NDUFS1: variants seen among roughly 807,000 people sequenced by gnomAD.
NDUFS1 encodes NADH:ubiquinone oxidoreductase core subunit S1.
A neutral mutation model predicts 84.4 loss-of-function variants in NDUFS1; 61 were observed. The observed-to-expected ratio is 0.72, with a 90% confidence interval of 0.59 to 0.89. The LOEUF is 0.89. Ranked by LOEUF, NDUFS1 falls within the 40% of genes least tolerant of loss-of-function variation. The pLI, the probability that NDUFS1 is intolerant of heterozygous loss-of-function variation, is 0.00. For missense variants in NDUFS1, 891 were observed against 890.0 expected (o/e 1.00, Z -0.01); for synonymous variants, 275 against 290.0 (o/e 0.95, Z 0.53).
intron 1 of NDUFS1, chr2:206,159,071 G>A (rs1337033984): frequency 3.9e-6 from 6 of 1,535,508 alleles, no homozygotes; most frequent in African/African-American, 1.4e-5. Flanking sequence ...TTTCCCTGCA[G>A]AGGGAAGGTC....
intron 8 of NDUFS1, among the ~76,000 whole-genome samples, 160 bp from the exon 9 acceptor site, chr2:206,145,186 C>G (rs1030891607): frequency 1.3e-5 from 2 of 152,172 alleles, no homozygotes; most frequent in African/African-American, 4.8e-5. Context: ...GAACCCCCCA[C>G]CTTTTTTTTT....
intron 8 of NDUFS1, among the ~76,000 whole-genome samples, chr2:206,145,532 G>C (rs899795022): frequency 6.6e-6 from 1 of 152,116 alleles, no homozygotes; most frequent in East Asian, 1.9e-4. Flanking sequence ...AATCTGGGAC[G>C]ATTCAACAAG....
At chr2:206,137,366 C>T (rs551774569) in intron 13 of NDUFS1, among the ~76,000 whole-genome samples, 26 of 151,640 alleles carry the variant, frequency 1.7e-4, no homozygotes, top group Middle Eastern at 3.4e-3. Context: ...CCCAGCTACT[C>T]GGGAGGCTAA....
At chr2:206,156,406 C>G (rs979041035) in intron 1 of NDUFS1, among the ~76,000 whole-genome samples, 7 of 147,946 alleles carry the variant, frequency 4.7e-5, no homozygotes, top group African/African-American at 1.7e-4. Flanking sequence ...GATCCCATCT[C>G]TACCAAAAAA....
chr2:206,125,501 A>C (rs1691255812), intron 18 of NDUFS1, among the ~76,000 whole-genome samples: 1 of 152,024 alleles, frequency 6.6e-6, no homozygotes, highest in Non-Finnish European at 1.5e-5. Context: ...ACGTACATGT[A>C]AACAGTAATA....
chr2:206,159,047 G>C, intron 1 of NDUFS1: 2 of 1,531,480 alleles, frequency 1.3e-6, no homozygotes, highest in African/African-American at 1.4e-5. Flanking sequence ...CTCTGAGAGG[G>C]AAATGTCCTG....
intron 16 of NDUFS1, 42 bp downstream of exon 16, chr2:206,127,755 T>C (rs1398046157): frequency 1.9e-6 from 3 of 1,593,634 alleles, no homozygotes; most frequent in Non-Finnish European, 2.6e-6. Context: ...ATATCAAATA[T>C]GCCTTTAGTA....
intron 15 of NDUFS1, among the ~76,000 whole-genome samples, chr2:206,129,403 C>T (rs1165479800): frequency 6.6e-6 from 1 of 152,076 alleles, no homozygotes; most frequent in African/African-American, 2.4e-5. Flanking sequence ...GCTGGGATCA[C>T]AGACATGCAG....
rs772673725 is a variant in NDUFS1 at position 206,133,108 on chromosome 2, AT to A, written c.1393-4del. ...GGTTTTTTAGCTTCCTTTAGGACCT[AT>A]TTAAAAAAAAAAACAACTTTGATTT... On this transcript the variant is annotated splice_polypyrimidine_tract_variant and splice_region_variant and intron_variant, in intron 13 of 18. Coordinates refer to ENST00000233190, the MANE Select transcript of NDUFS1 (RefSeq NM_005006.7). 1 of 1,591,476 alleles carries A rather than the reference AT, an allele frequency of 6.3e-7. No homozygotes were observed. The highest frequency in any genetic ancestry group is 8.6e-7 in the Non-Finnish European group (1 of 1,168,308).
chr2:206,147,499 TC>T (rs752173393), intron 7 of NDUFS1, 31 bp downstream of exon 7: 1 of 1,577,270 alleles, frequency 6.3e-7, no homozygotes, highest in Non-Finnish European at 8.7e-7. Flanking sequence ...ACAATTATAT[TC>T]TATAATAGAA....
intron 3 of NDUFS1, among the ~76,000 whole-genome samples, chr2:206,150,624 GAA>G (rs1042344614): frequency 6.6e-6 from 1 of 152,152 alleles, no homozygotes; most frequent in Non-Finnish European, 1.5e-5. Context: ...GTATAGTAGT[GAA>G]AAAGACAGAT....
At chr2:206,151,319 T>C (rs911188744) in intron 3 of NDUFS1, among the ~76,000 whole-genome samples, 1 of 152,224 alleles carries the variant, frequency 6.6e-6, no homozygotes, top group Non-Finnish European at 1.5e-5. Flanking sequence ...TCATCAATAT[T>C]AAACTATTTG....
chr2:206,143,340 T>C (rs1692036077), intron 10 of NDUFS1, among the ~76,000 whole-genome samples: 1 of 152,238 alleles, frequency 6.6e-6, no homozygotes, highest in Non-Finnish European at 1.5e-5. Context: ...GGGCCACAGC[T>C]AATAACATCA....
At chr2:206,132,891 C>G in intron 14 of NDUFS1, 54 bp downstream of exon 14, 1 of 1,474,190 alleles carries the variant, frequency 6.8e-7, no homozygotes, top group Non-Finnish European at 9.5e-7. Flanking sequence ...GGAACACATA[C>G]ATATACACAA....
intron 14 of NDUFS1, among the ~76,000 whole-genome samples, chr2:206,131,452 T>C (rs1691507418): frequency 6.6e-6 from 1 of 152,164 alleles, no homozygotes; most frequent in South Asian, 2.1e-4. Flanking sequence ...GAAAACCTAT[T>C]GAAACCAGGA....
At chr2:206,144,655 A>C (rs1692090191) in intron 9 of NDUFS1, among the ~76,000 whole-genome samples, 1 of 152,144 alleles carries the variant, frequency 6.6e-6, no homozygotes, top group Non-Finnish European at 1.5e-5. Flanking sequence ...AGAATGTATC[A>C]ATCTACTTGA....
intron 10 of NDUFS1, 96 bp from the exon 11 acceptor site, chr2:206,142,927 A>G (rs1692019310): frequency 2.6e-6 from 4 of 1,514,672 alleles, no homozygotes; most frequent in South Asian, 1.2e-5. Context: ...GTTTTCAAGT[A>G]CAAAAAAAGT....
rs372346239 is a variant in NDUFS1, at chr2:206,142,649, G to C, written c.1133+37C>G. ...TATACATAACTTGTAACTAAAAAAA[G>C]AAAGGAAAGCCTAGATCCTAGCTTC... On this transcript the variant is annotated intron_variant, in intron 11 of 18. Transcript: ENST00000233190. The C allele has an allele frequency of 1.9e-6, 3 of 1,612,366 alleles. No individual in the cohort carries two copies. In the African/African-American group the frequency reaches 4.0e-5, roughly 22 times the overall value.
intron 14 of NDUFS1, 66 bp from the exon 15 acceptor site, chr2:206,130,308 T>C: frequency 5.1e-6 from 8 of 1,572,782 alleles, no homozygotes; most frequent in Non-Finnish European, 6.1e-6. Context: ...TAAATGTGAT[T>C]TTTGGAATAA....
Sources: gnomAD v4.1 joint callset for allele counts (sites outside exome capture counted in the v4.1 genomes callset) on GRCh38, gnomAD v4.1.1 for gene constraint, MANE v1.5 for transcripts, NCBI Gene and HGNC (gene_info 2026-07-23, HGNC 2026-07-21) for gene names.